The following SOHLH1 variants were observed in gnomAD, a reference collection of about 807,000 sequenced individuals.
SOHLH1 encodes spermatogenesis- and oogenesis-specific basic helix-loop-helix-containing protein 1.
Under a neutral mutation model 36.2 loss-of-function variants are expected in SOHLH1, and 23 were observed. The ratio of observed to expected loss-of-function variants is 0.64; its 90% CI spans 0.46 to 0.90. The LOEUF is 0.90. SOHLH1 is among the 40% of genes least tolerant of loss of function. SOHLH1 has a pLI of 0.00. For synonymous variants in SOHLH1, 289 were observed against 228.3 expected (o/e 1.27, Z -2.40); for missense variants, 608 against 517.0 (o/e 1.18, Z -1.71).
At chr9:135,695,023 A>G in intron 6 of SOHLH1, 27 bp downstream of exon 6, 1 of 1,564,252 alleles carries the variant, frequency 6.4e-7, no homozygotes, top group Non-Finnish European at 8.7e-7. Flanking sequence ...ACGCACACAC[A>G]GGCGTGCACA....
At position 135,698,408 on chromosome 9, in the gene SOHLH1, T is replaced by C. The variant is rs772708811; in HGVS notation, c.266A>G (p.Asp89Gly). 3.1e-6 allele frequency: 5 copies of C among 1,613,034 alleles called. No individual in the cohort carries two copies. The highest frequency in any genetic ancestry group is 4.2e-6 in the Non-Finnish European group (5 of 1,180,026). Residue 89 changes from aspartate (D) to glycine (G), a missense_variant, in exon 3 of 8, where the codon GAC becomes GGC. Transcript: ENST00000425225. The stretch of plus-strand genomic sequence containing the variant: ...AGACATCTCCAGGACCGAGGCCATG[T>C]CCTCCCGCCGGCCATCGAACTGGGG... ...LLPQFDGRRE[D>G]MASVLEMSVQ...
At chr9:135,694,974 G>A (rs1663793778) in intron 6 of SOHLH1, 76 bp downstream of exon 6, 15 of 1,434,932 alleles carry the variant, frequency 1.0e-5, no homozygotes, top group South Asian at 1.2e-5. Flanking sequence ...AAGCAGGACT[G>A]GGAGGAGGTG....
chr9:135,694,291 G>A (rs981278996), intron 7 of SOHLH1, 96 bp downstream of exon 7: 7 of 1,591,898 alleles, frequency 4.4e-6, no homozygotes, highest in Admixed American at 1.7e-5. Context: ...CAGACCCTGG[G>A]GCCCCCTGAC....
intron 7 of SOHLH1, chr9:135,694,039 A>C: frequency 7.0e-7 from 1 of 1,424,514 alleles, no homozygotes; most frequent in African/African-American, 1.4e-5. Context: ...CTAAATCCTA[A>C]ATGGAATGGA....
intron 1 of SOHLH1, 47 bp downstream of exon 1, chr9:135,699,356 A>T (rs375273019): frequency 1.2e-5 from 19 of 1,580,128 alleles, no homozygotes; most frequent in Non-Finnish European, 1.6e-5. Flanking sequence ...ACCCCTGGGT[A>T]CAGGCCTTGG....
chr9:135,696,915 G>A, intron 4 of SOHLH1, 110 bp from the exon 5 acceptor site: 1 of 1,228,658 alleles, frequency 8.1e-7, no homozygotes, highest in Non-Finnish European at 1.2e-6. Flanking sequence ...GGACACCCCA[G>A]GCACCACCCA....
chr9:135,693,782 C>A lies in SOHLH1; in HGVS notation c.979G>T (p.Ala327Ser). 1.3e-6 allele frequency: 2 copies of A among 1,580,906 alleles called. No individual in the cohort carries two copies. The highest frequency in any genetic ancestry group is 1.3e-5 in the African/African-American group (1 of 74,168). The change falls in exon 8 of 8, where the codon GCA becomes TCA. Residue 327 changes from alanine to serine, a missense_variant. Physicochemically the swap from Ala to Ser is moderately conservative, Grantham distance 99 (BLOSUM62 1). Coordinates refer to ENST00000425225, the MANE Select transcript of SOHLH1 (RefSeq NM_001101677.2). ...SLEGRGGSGP[A>S]WAPAESSPLD... The stretch of plus-strand genomic sequence containing the variant: ...GGACTGCTCTCAGCTGGGGCCCATG[C>A]AGGGCCACTGCCTCCTCGACCCTCC...
intron 4 of SOHLH1, 29 bp from the exon 5 acceptor site, chr9:135,696,834 G>A: frequency 1.2e-6 from 2 of 1,611,528 alleles, no homozygotes; most frequent in East Asian, 2.2e-5. Flanking sequence ...CAAGGATCCT[G>A]GGTCTATTCC....
chr9:135,693,781 G>C lies in SOHLH1; in HGVS notation c.980C>G (p.Ala327Gly). The change falls in exon 8 of 8, where the codon GCA becomes GGA. Residue 327 changes from alanine (A) to glycine (G), a missense_variant. Coordinates refer to ENST00000425225, the MANE Select transcript of SOHLH1 (RefSeq NM_001101677.2). Reference sequence around the variant, plus strand: ...TGGACTGCTCTCAGCTGGGGCCCATGCAGGGCCACTGCCTCCTCGACCCTC... The same window carrying C: ...TGGACTGCTCTCAGCTGGGGCCCATCCAGGGCCACTGCCTCCTCGACCCTC... ...SLEGRGGSGP[A>G]WAPAESSPLD... 1 of 1,581,086 alleles carries C rather than the reference G, an allele frequency of 6.3e-7. No homozygotes were observed. Among genetic ancestry groups the C allele is most frequent in the African/African-American group, 1.3e-5 (1 of 74,180 alleles).
chr9:135,694,921 A>C (rs1588229849), intron 6 of SOHLH1, 129 bp downstream of exon 6: 3 of 1,082,516 alleles, frequency 2.8e-6, no homozygotes, highest in Non-Finnish European at 4.0e-6. Flanking sequence ...CCACGGGCAC[A>C]GAAGCAGAGA....
In SOHLH1 at chr9:135,696,664, A is replaced by G; in HGVS notation, c.609T>C (p.Cys203=). 1 of 1,612,892 alleles carries G rather than the reference A, an allele frequency of 6.2e-7. No individual in the cohort carries two copies. The highest frequency in any genetic ancestry group is 8.5e-7 in the Non-Finnish European group (1 of 1,179,892). Residue 203 remains cysteine, a synonymous_variant, in exon 5 of 8, where the codon TGT becomes TGC. Coordinates refer to ENST00000425225, the MANE Select transcript of SOHLH1 (RefSeq NM_001101677.2). ...CCTGGCACAGCCCCAACAGTGCCTC[A>G]CACTTGTCCGTGCCCAGGGACGTGC... ...ASCTSLGTDK[C]EALLGLCQVR...
rs150359031 is a variant in SOHLH1 at position 135,699,450 on chromosome 9, G to A, written c.18C>T (p.Ser6=). MASRC[S]EPYPEVSRIP... ...TTCTGGAGACCTCCGGGTAGGGCTCGGAGCACCGGGACGCCATGAACTCGC... is the reference window on the plus strand; with the variant it reads ...TTCTGGAGACCTCCGGGTAGGGCTCAGAGCACCGGGACGCCATGAACTCGC... The change falls in exon 1 of 8, where the codon TCC becomes TCT. Residue 6 remains serine (S), a synonymous_variant. Transcript: ENST00000425225. 101 of 1,612,122 alleles carry A rather than the reference G, an allele frequency of 6.3e-5. No homozygotes were observed. The African/African-American group carries it at 7.2e-4, about 11-fold the overall frequency.
intron 3 of SOHLH1, among the ~76,000 whole-genome samples, chr9:135,698,028 C>A (rs1408975264): frequency 6.6e-6 from 1 of 152,100 alleles, no homozygotes; most frequent in Non-Finnish European, 1.5e-5. Flanking sequence ...CAGGGAGGAT[C>A]AGGAGACCCC....
upstream of SOHLH1, among the ~76,000 whole-genome samples, chr9:135,700,274 G>A: frequency 6.6e-6 from 1 of 152,144 alleles, no homozygotes; most frequent in East Asian, 1.9e-4. Flanking sequence ...AGAAAGCTCC[G>A]GCGCCAGGTG....
At position 135,698,358 on chromosome 9, in the gene SOHLH1, C is replaced by A. The variant is rs1288074423; in HGVS notation, c.316G>T (p.Ala106Ser). 2.5e-6 allele frequency: 4 copies of A among 1,612,900 alleles called. No homozygotes were observed. Among genetic ancestry groups the A allele is most frequent in the Non-Finnish European group, 3.4e-6 (4 of 1,180,030 alleles). Reference sequence around the variant, plus strand: ...TGCTGCTCCTGACTGGGCCCCAGGGCGCTGGCAAGCCGCAGGAACTGCACA... The same window carrying A: ...TGCTGCTCCTGACTGGGCCCCAGGGAGCTGGCAAGCCGCAGGAACTGCACA... ...MSVQFLRLASALGPSQEQHAI... is the reference protein window; with the variant it reads ...MSVQFLRLASSLGPSQEQHAI... Residue 106 changes from alanine (A) to serine (S), a missense_variant, in exon 3 of 8, where the codon GCC becomes TCC. By Grantham distance (99) the Ala-to-Ser change is moderately conservative (BLOSUM62 1). Coordinates refer to ENST00000425225, the MANE Select transcript of SOHLH1 (RefSeq NM_001101677.2).
chr9:135,694,666 C>T (rs2131286046), intron 6 of SOHLH1, among the ~76,000 whole-genome samples: 1 of 152,308 alleles, frequency 6.6e-6, no homozygotes, highest in African/African-American at 2.4e-5. Flanking sequence ...GGTCCCGATC[C>T]GTCCTGCAGA....
In SOHLH1 at chr9:135,698,445, G is replaced by A. The variant is rs572151479; in HGVS notation, c.229C>T (p.Arg77Trp). The A allele has an allele frequency of 3.1e-6, 5 of 1,613,204 alleles. No homozygotes were observed. Among genetic ancestry groups the A allele is most frequent in the African/African-American group, 2.7e-5 (2 of 75,058 alleles). ...KRMSLSCERL[R>W]ALLPQFDGRR... is the part of the protein sequence containing the mutation. ...CCATCGAACTGGGGCAGCAGGGCCC[G>A]CAGACGCTCACAGCTCAACGACATC... Residue 77 changes from arginine to tryptophan, a missense_variant, in exon 3 of 8, where the codon CGG becomes TGG. Transcript: ENST00000425225.
At chr9:135,694,489 C>T (rs1305069086) in intron 6 of SOHLH1, 32 bp from the exon 7 acceptor site, 1 of 1,610,144 alleles carries the variant, frequency 6.2e-7, no homozygotes, top group Non-Finnish European at 8.5e-7. Flanking sequence ...TCAGTGGCCA[C>T]AAGCGGACCC....
upstream of SOHLH1, among the ~76,000 whole-genome samples, chr9:135,701,852 C>G: frequency 6.6e-6 from 1 of 152,204 alleles, no homozygotes; most frequent in East Asian, 1.9e-4. Flanking sequence ...GTCCGAGCAG[C>G]GCATGTGCCC....
Sources: gnomAD v4.1 joint callset for allele counts (sites outside exome capture counted in the v4.1 genomes callset) on GRCh38, gnomAD v4.1.1 for gene constraint, MANE v1.5 for transcripts, NCBI Gene and HGNC (gene_info 2026-07-23, HGNC 2026-07-21) for gene names.